The following RAB11FIP3 variants were observed in gnomAD, a reference collection of about 807,000 sequenced individuals.
The protein encoded by RAB11FIP3 is RAB11 family interacting protein 3, also known as rab11 family-interacting protein 3.
A neutral mutation model predicts 77.8 loss-of-function variants in RAB11FIP3; 17 were observed. The observed-to-expected ratio is 0.22, with a 90% CI of 0.15 to 0.33. The LOEUF (loss-of-function observed/expected upper bound fraction) is 0.33, where lower values mean the gene tolerates loss of function less well. RAB11FIP3 is among the 10% of genes least tolerant of loss of function. The pLI, the probability that RAB11FIP3 is intolerant of heterozygous loss-of-function variation, is 1.00. For synonymous variants in RAB11FIP3, 437 were observed against 448.2 expected (o/e 0.98, Z 0.31); for missense variants, 1,005 against 1,011.2 (o/e 0.99, Z 0.08).
At chr16:488,295 A>G (rs906139486) in intron 4 of RAB11FIP3, among the ~76,000 whole-genome samples, 129 of 152,166 alleles carry the variant, frequency 8.5e-4, no homozygotes, top group African/African-American at 3.0e-3. Context: ...CAGGAGAATG[A>G]CGTGAACCCG....
chr16:497,425 CG>C, intron 6 of RAB11FIP3: 1 of 1,250,702 alleles, frequency 8.0e-7, no homozygotes, highest in Non-Finnish European at 1.0e-6. Context: ...GTGTGGCTGC[CG>C]GGTGGCCTCT....
At chr16:487,449 A>G (rs1022304409) in intron 4 of RAB11FIP3, among the ~76,000 whole-genome samples, 23 of 152,274 alleles carry the variant, frequency 1.5e-4, no homozygotes, top group African/African-American at 4.8e-4. Context: ...GTTTGAGGCC[A>G]TGGGATTCAT....
chr16:505,574 C>T lies in RAB11FIP3; in HGVS notation c.1446C>T (p.Ala482=). 1 of 1,606,914 alleles carries T rather than the reference C, an allele frequency of 6.2e-7. No individual in the cohort carries two copies. Among genetic ancestry groups the T allele is most frequent in the South Asian group, 1.1e-5 (1 of 90,884 alleles). The change falls in exon 8 of 14, where the codon GCC becomes GCT. Residue 482 remains alanine, a synonymous_variant. Coordinates refer to ENST00000262305, the MANE Select transcript of RAB11FIP3 (RefSeq NM_014700.4). This position sits in a 1 kb window ranked among gnomAD's most constrained non-coding sequence, Gnocchi z 4.0. ...RVLELEKDTA[A]TGEQHSRLRQ... ...TGGAGCTGGAAAAGGACACGGCAGC[C>T]ACCGGTGAGCAACACAGCCGCCTGA...
At chr16:491,973 G>A (rs1284451930) in intron 5 of RAB11FIP3, among the ~76,000 whole-genome samples, 6 of 152,302 alleles carry the variant, frequency 3.9e-5, no homozygotes, top group Non-Finnish European at 5.9e-5. Context: ...CCTGAAGAAC[G>A]GGACCTGGCC....
chr16:516,213 G>A (rs2032410515), intron 9 of RAB11FIP3, among the ~76,000 whole-genome samples: 1 of 152,202 alleles, frequency 6.6e-6, no homozygotes, highest in Non-Finnish European at 1.5e-5. Flanking sequence ...CTGCCCCTGG[G>A]TTTCCACTTA....
chr16:445,609 G>C (rs995905594), intron 1 of RAB11FIP3, among the ~76,000 whole-genome samples: 1 of 152,124 alleles, frequency 6.6e-6, no homozygotes, highest in African/African-American at 2.4e-5. Context: ...AGAATCTGAG[G>C]CTGACACCCT....
chr16:458,930 C>A (rs909845187), intron 1 of RAB11FIP3, among the ~76,000 whole-genome samples: 2 of 152,118 alleles, frequency 1.3e-5, no homozygotes, highest in Non-Finnish European at 2.9e-5. Context: ...GCACTGGTAC[C>A]CATCCCCAGT....
At chr16:515,624 G>A (rs911952075) in intron 9 of RAB11FIP3, among the ~76,000 whole-genome samples, 3 of 151,626 alleles carry the variant, frequency 2.0e-5, no homozygotes, top group Admixed American at 1.3e-4. Flanking sequence ...ACCGGGGTTC[G>A]CATCTCGGAG....
rs2032595176 is a variant in RAB11FIP3 at position 519,850 on chromosome 16, G to A, written c.1819G>A (p.Glu607Lys). The part of the protein sequence containing the change: ...KRRMGDRLSH[E>K]RHQFQRDKEA... ...GAGAATGGGGGACAGGCTGAGTCAC[G>A]AGAGGCACCAGTTCCAGAGGGACAA... Residue 607 changes from glutamate to lysine, a missense_variant, in exon 11 of 14, where the codon GAG (glutamate) becomes AAG (lysine). This residue lies in a region of RAB11FIP3 where 433 missense variants were observed against 436.1 expected (regional missense o/e 0.99). Transcript: ENST00000262305. 3.7e-6 allele frequency: 6 copies of A among 1,600,198 alleles called. No homozygotes were observed. Among genetic ancestry groups the A allele is most frequent in the Non-Finnish European group, 2.6e-6 (3 of 1,173,606 alleles).
intron 3 of RAB11FIP3, chr16:475,127 C>A: frequency 6.5e-7 from 1 of 1,533,040 alleles, no homozygotes; most frequent in Non-Finnish European, 8.8e-7. Flanking sequence ...GTGCACTGTG[C>A]CCAGTATTCC....
At chr16:515,766 C>T (rs1275618459) in intron 9 of RAB11FIP3, among the ~76,000 whole-genome samples, 8 of 151,340 alleles carry the variant, frequency 5.3e-5, no homozygotes, top group African/African-American at 1.7e-4. Flanking sequence ...AACAGCCACA[C>T]GGCCGACACG....
chr16:457,037 A>G (rs994960253), intron 1 of RAB11FIP3, among the ~76,000 whole-genome samples: 2 of 151,862 alleles, frequency 1.3e-5, no homozygotes, highest in African/African-American at 2.4e-5. Flanking sequence ...TCCTAGGAAC[A>G]TTTTGCTTAT....
At chr16:438,594 C>A (rs1567355914) in intron 1 of RAB11FIP3, among the ~76,000 whole-genome samples, 1 of 151,516 alleles carries the variant, frequency 6.6e-6, no homozygotes, top group South Asian at 2.1e-4. Context: ...TCATATTGGC[C>A]AGGCTGGTCT....
intron 2 of RAB11FIP3, among the ~76,000 whole-genome samples, chr16:462,809 GTCCCTTCCCCAGCACGA>G (rs1567371089): frequency 9.5e-5 from 4 of 42,272 alleles, no homozygotes; most frequent in Non-Finnish European, 1.9e-4. Flanking sequence ...CCCCAGCACC[GTCCCTTCCCCAGCACGA>G]TCCCTTCCCC....
In RAB11FIP3 at chr16:471,265, C is replaced by T. The variant is rs779239029; in HGVS notation, c.809-30C>T. The stretch of plus-strand genomic sequence containing the variant: ...CCCGTCACTGGGTGGCTATGGGTGG[C>T]CTGTTGAGCACGAGGTCTTCTCCCT... On this transcript the variant is annotated intron_variant, in intron 2 of 13. Coordinates refer to ENST00000262305, the MANE Select transcript of RAB11FIP3 (RefSeq NM_014700.4). The surrounding 1 kb of genome is among the most constrained non-coding windows in gnomAD (Gnocchi z 4.4). 1.3e-6 allele frequency: 2 copies of T among 1,588,328 alleles called. No individual in the cohort carries two copies. The highest frequency in any genetic ancestry group is 1.7e-6 in the Non-Finnish European group (2 of 1,157,746).
chr16:466,722 C>T (rs1021248290), intron 2 of RAB11FIP3, among the ~76,000 whole-genome samples: 5 of 152,218 alleles, frequency 3.3e-5, no homozygotes, highest in East Asian at 3.9e-4. Flanking sequence ...CCACCTGACA[C>T]GCCAAGCTGG....
intron 1 of RAB11FIP3, among the ~76,000 whole-genome samples, chr16:432,169 G>A (rs183246721): frequency 2.6e-5 from 4 of 152,282 alleles, no homozygotes; most frequent in African/African-American, 9.6e-5. Flanking sequence ...GATCATCTGA[G>A]ATCAGGAGAC....
At chr16:482,857 G>A in intron 4 of RAB11FIP3, 121 bp downstream of exon 4, 6 of 1,114,414 alleles carry the variant, frequency 5.4e-6, no homozygotes, top group Non-Finnish European at 7.6e-6. Flanking sequence ...TTATGTGGGG[G>A]TGGGGCTTGG....
chr16:495,064 C>T (rs914178109), intron 5 of RAB11FIP3, among the ~76,000 whole-genome samples: 1 of 147,098 alleles, frequency 6.8e-6, no homozygotes, highest in African/African-American at 2.6e-5. Flanking sequence ...GCTGTGGTTG[C>T]ACCACTGCAC....
Sources: gnomAD v4.1 joint callset for allele counts (sites outside exome capture counted in the v4.1 genomes callset) on GRCh38, gnomAD v4.1.1 for gene constraint, gnomAD v4.1.1 regional missense constraint, Gnocchi (gnomAD v3.1) non-coding constraint, MANE v1.5 for transcripts, NCBI Gene and HGNC (gene_info 2026-07-23, HGNC 2026-07-21) for gene names.